CLMN: variants seen among roughly 807,000 people sequenced by gnomAD.
The protein encoded by CLMN is calmin, also known as calmin (calponin-like, transmembrane).
A neutral mutation model predicts 92.7 loss-of-function variants in CLMN; 57 were observed. The observed-to-expected ratio is 0.61, with a 90% CI of 0.50 to 0.77. CLMN has a LOEUF of 0.77. CLMN is among the 30% of genes least tolerant of loss of function. The probability of loss-of-function intolerance (pLI) is 0.00; values close to 1 mark genes in which losing one functional copy is unlikely to be tolerated. For synonymous variants in CLMN, 466 were observed against 470.6 expected, an observed-to-expected ratio of 0.99 and a Z score of 0.13; for missense variants, 1,158 against 1,237.5, an observed-to-expected ratio of 0.94 and a Z score of 0.96.
At chr14:95,315,561 G>A (rs79708187) in intron 1 of CLMN, among the ~76,000 whole-genome samples, 7,586 of 152,316 alleles carry the variant, frequency 0.05, 211 homozygotes, top group Middle Eastern at 0.082. Flanking sequence ...CACATGGGCC[G>A]GGGCTGATCC....
At position 95,191,905 on chromosome 14, in the gene CLMN, C is replaced by T. The variant is rs1193593349; in HGVS notation, c.2841-173G>A. ...CTGTGTGTACTGGCCCAAGGCAGTGCGTCGGGCCATCCAGGCAGCCCCTCG... is the reference window on the plus strand; with the variant it reads ...CTGTGTGTACTGGCCCAAGGCAGTGTGTCGGGCCATCCAGGCAGCCCCTCG... On this transcript the variant is annotated intron_variant, in intron 12 of 12. Coordinates refer to ENST00000298912, the MANE Select transcript of CLMN (RefSeq NM_024734.4). The surrounding 1 kb of genome is among the most constrained non-coding windows in gnomAD (Gnocchi z 5.3). 3.4e-5 allele frequency: 18 copies of T among 534,682 alleles called. No homozygotes were observed. Among genetic ancestry groups the T allele is most frequent in the Non-Finnish European group, 5.2e-5 (16 of 310,516 alleles). The allele number at this position is 534,682 out of a possible 1,614,324, so 33.1% of individuals were successfully genotyped here.
intron 2 of CLMN, among the ~76,000 whole-genome samples, chr14:95,226,202 T>C (rs1374657415): frequency 3.3e-5 from 5 of 152,208 alleles, no homozygotes; most frequent in Non-Finnish European, 4.4e-5. Flanking sequence ...TGATATATAA[T>C]GGCACAGTAT....
At chr14:95,231,186 C>G (rs970189422) in intron 1 of CLMN, among the ~76,000 whole-genome samples, 8 of 151,516 alleles carry the variant, frequency 5.3e-5, no homozygotes, top group African/African-American at 1.9e-4. Flanking sequence ...GGCATTAAAT[C>G]CTCTAACTTT....
chr14:95,215,394 T>C (rs1332309278), intron 5 of CLMN, among the ~76,000 whole-genome samples: 4 of 152,214 alleles, frequency 2.6e-5, no homozygotes, highest in African/African-American at 7.2e-5. Flanking sequence ...TTGAAGTAAA[T>C]ATTTAACTCT....
intron 1 of CLMN, among the ~76,000 whole-genome samples, chr14:95,249,726 G>C (rs1178533906): frequency 6.6e-6 from 1 of 152,046 alleles, no homozygotes; most frequent in Admixed American, 6.5e-5. Context: ...CAAGTAGCTG[G>C]GACTACAGGC....
At chr14:95,253,805 G>A (rs1328307241) in intron 1 of CLMN, among the ~76,000 whole-genome samples, 4 of 151,924 alleles carry the variant, frequency 2.6e-5, no homozygotes, top group South Asian at 2.1e-4. Context: ...TAGTAGAAAC[G>A]GGGTTTCACC....
At chr14:95,217,795 G>C (rs899766130) in intron 4 of CLMN, among the ~76,000 whole-genome samples, 5 of 152,364 alleles carry the variant, frequency 3.3e-5, no homozygotes, top group South Asian at 2.1e-4. Flanking sequence ...AAAGTGAGAA[G>C]ACAGAGCTGC....
chr14:95,239,035 A>T (rs928005539), intron 1 of CLMN, among the ~76,000 whole-genome samples: 2 of 152,216 alleles, frequency 1.3e-5, no homozygotes, highest in Non-Finnish European at 2.9e-5. Context: ...CCTCAGTGCT[A>T]AACCTCAGCC....
intron 9 of CLMN, 83 bp downstream of exon 9, chr14:95,202,755 G>A: frequency 7.2e-7 from 1 of 1,390,528 alleles, no homozygotes. Flanking sequence ...GCTATTTTAT[G>A]GAGCAAGAAG....
At position 95,294,526 on chromosome 14, in the gene CLMN, C is replaced by T. The variant is rs1399462933; in HGVS notation, c.82+25185G>A. On this transcript the variant is annotated intron_variant, in intron 1 of 12. Transcript: ENST00000298912. This position sits in a 1 kb window ranked among gnomAD's most constrained non-coding sequence, Gnocchi z 4.2. ...AGACAGACCTGCATCCACATTCCGGCTCCCCCTCCCTCACCTGTCCCTTCC... is the reference window on the plus strand; with the variant it reads ...AGACAGACCTGCATCCACATTCCGGTTCCCCCTCCCTCACCTGTCCCTTCC... 1.3e-5 allele frequency among the ~76,000 whole-genome samples: 2 copies of T among 152,228 alleles called. No individual in the cohort carries two copies. Among genetic ancestry groups the T allele is most frequent in the Non-Finnish European group, 2.9e-5 (2 of 68,042 alleles).
chr14:95,249,916 T>G (rs1170037801), intron 1 of CLMN, among the ~76,000 whole-genome samples: 1 of 152,138 alleles, frequency 6.6e-6, no homozygotes, highest in Non-Finnish European at 1.5e-5. Flanking sequence ...CACTCAGAGG[T>G]AGCCATGTAA....
At position 95,272,818 on chromosome 14, in the gene CLMN, G is replaced by A. The variant is rs1342298824; in HGVS notation, c.83-42685C>T. ...AAGTTGTTTCTATGCGCTCCCAAGG[G>A]AAAACGTTGGGGCCAAGATATTGAA... On this transcript the variant is annotated intron_variant, in intron 1 of 12. Transcript: ENST00000298912. Among the ~76,000 whole-genome samples the A allele has an allele frequency of 3.9e-5, 6 of 152,274 alleles. No homozygotes were observed. The East Asian group carries it at 1.2e-3, about 29-fold the overall frequency.
At chr14:95,293,176 C>T (rs1474617882) in intron 1 of CLMN, among the ~76,000 whole-genome samples, 1 of 116,262 alleles carries the variant, frequency 8.6e-6, no homozygotes, top group Non-Finnish European at 1.8e-5. Context: ...TCCTTCCTTC[C>T]CTCCCTCCCT....
Position 95,206,044 on chromosome 14 carries a change from A to G in CLMN, c.886-1581T>C, listed in dbSNP as rs117212398. Among the ~76,000 whole-genome samples the G allele has an allele frequency of 6.5e-3, 988 of 152,354 alleles. 13 individuals are homozygous for G. The highest frequency in any genetic ancestry group is 0.029 in the East Asian group (150 of 5,188). On this transcript the variant is annotated intron_variant, in intron 8 of 12. Transcript: ENST00000298912. ...AAGACCCAACTGTATACTGTTTACAAGAGACATACTTTAAATATAAGTGTA... is the reference window on the plus strand; with the variant it reads ...AAGACCCAACTGTATACTGTTTACAGGAGACATACTTTAAATATAAGTGTA...
At chr14:95,292,878 A>G (rs148147270) in intron 1 of CLMN, among the ~76,000 whole-genome samples, 121 of 152,226 alleles carry the variant, frequency 7.9e-4, no homozygotes, top group African/African-American at 2.8e-3. Flanking sequence ...CTCCAGGGAC[A>G]TGGCTAATTG....
At chr14:95,286,793 A>G (rs1423988989) in intron 1 of CLMN, among the ~76,000 whole-genome samples, 1 of 152,180 alleles carries the variant, frequency 6.6e-6, no homozygotes, top group Admixed American at 6.5e-5. Context: ...AAGGCCCTGA[A>G]GAGAGAGCAC....
intron 1 of CLMN, among the ~76,000 whole-genome samples, chr14:95,312,006 C>T (rs1215512934): frequency 6.6e-6 from 1 of 152,152 alleles, no homozygotes; most frequent in Non-Finnish European, 1.5e-5. Context: ...GTGCCAGCCC[C>T]GTGACCAGAG....
intron 1 of CLMN, among the ~76,000 whole-genome samples, chr14:95,233,441 G>A (rs1897953901): frequency 6.6e-6 from 1 of 150,954 alleles, no homozygotes; most frequent in African/African-American, 2.4e-5. Flanking sequence ...TCATCCATCT[G>A]TCCATCCATC....
chr14:95,209,112 T>C (rs979706667), intron 8 of CLMN, among the ~76,000 whole-genome samples: 1 of 152,210 alleles, frequency 6.6e-6, no homozygotes, highest in African/African-American at 2.4e-5. Context: ...AACTTTATCA[T>C]AGATACATAT....
Sources: allele counts gnomAD v4.1 joint callset (sites outside exome capture counted in the v4.1 genomes callset), GRCh38; gene constraint gnomAD v4.1.1; non-coding constraint Gnocchi (gnomAD v3.1); transcripts MANE v1.5; gene names NCBI Gene and HGNC (gene_info 2026-07-23, HGNC 2026-07-21).